Variants in ARHGAP42 observed in about 807,000 individuals in gnomAD.
ARHGAP42 encodes rho GTPase-activating protein 42.
In ARHGAP42, 63 loss-of-function variants were observed where a neutral mutation model predicts 125.0. The ratio of observed to expected loss-of-function variants is 0.50; its 90% confidence interval spans 0.41 to 0.62. The LOEUF (loss-of-function observed/expected upper bound fraction) is 0.62. Among genes scored for constraint, ARHGAP42 ranks in the 20% least tolerant of loss-of-function variants. ARHGAP42 has a pLI of 0.00. For synonymous variants in ARHGAP42, 339 were observed against 351.0 expected (o/e 0.97, Z 0.38); for missense variants, 766 against 1,024.2 (o/e 0.75, Z 3.44).
intron 15 of ARHGAP42, 35 bp from the exon 16 acceptor site, chr11:100,962,374 A>C: frequency 2.0e-6 from 3 of 1,510,636 alleles, no homozygotes; most frequent in Non-Finnish European, 2.7e-6. Flanking sequence ...AAAAGATTCT[A>C]CTATTCTAAC....
chr11:100,989,468 CT>C lies in ARHGAP42; in HGVS notation c.*672del. ...CAGAATTCCAGACACCTTCAGCAAA[CT>C]TTTTCTGTAAAGGCCTGATAGCAAA... On this transcript the variant is annotated 3_prime_UTR_variant, in exon 24 of 24. Transcript: ENST00000298815. 1 of 218,372 alleles carries C rather than the reference CT, an allele frequency of 4.6e-6. No homozygotes were observed. Among genetic ancestry groups the C allele is most frequent in the African/African-American group, 2.3e-5 (1 of 44,358 alleles). 13.5% of individuals were successfully genotyped at this position (218,372 alleles called of 1,614,324 possible).
intron 22 of ARHGAP42, among the ~76,000 whole-genome samples, chr11:100,979,764 G>A (rs1407678995): frequency 6.6e-6 from 1 of 151,792 alleles, no homozygotes; most frequent in Non-Finnish European, 1.5e-5. Flanking sequence ...ATTGTTGAAA[G>A]AGCATATAAA....
intron 4 of ARHGAP42, among the ~76,000 whole-genome samples, chr11:100,904,363 C>T (rs962261222): frequency 6.6e-6 from 1 of 151,932 alleles, no homozygotes; most frequent in African/African-American, 2.4e-5. Flanking sequence ...TCTCCTGTCT[C>T]AGCATCCCAA....
intron 3 of ARHGAP42, among the ~76,000 whole-genome samples, chr11:100,796,971 G>A (rs1863732155): frequency 6.6e-6 from 1 of 152,058 alleles, no homozygotes; most frequent in African/African-American, 2.4e-5. Flanking sequence ...ATTTCACCAT[G>A]TTGGTCAGGC....
chr11:100,773,834 C>CATAT (rs1391844887), intron 2 of ARHGAP42, among the ~76,000 whole-genome samples: 2 of 152,094 alleles, frequency 1.3e-5, no homozygotes, highest in Non-Finnish European at 2.9e-5. Context: ...AATTTTAATG[C>CATAT]TATGTGGGCT....
intron 1 of ARHGAP42, among the ~76,000 whole-genome samples, chr11:100,713,156 A>G (rs1861593441): frequency 6.6e-6 from 1 of 152,228 alleles, no homozygotes; most frequent in Admixed American, 6.5e-5. Flanking sequence ...GATTATTGAG[A>G]ATACATTTCT....
At chr11:100,851,497 T>C (rs1040448073) in intron 3 of ARHGAP42, among the ~76,000 whole-genome samples, 1 of 152,196 alleles carries the variant, frequency 6.6e-6, no homozygotes, top group Non-Finnish European at 1.5e-5. Flanking sequence ...AACAAATCTG[T>C]GCTGCCCATC....
chr11:100,819,912 A>T (rs1013735179), intron 3 of ARHGAP42, among the ~76,000 whole-genome samples: 1 of 152,144 alleles, frequency 6.6e-6, no homozygotes, highest in African/African-American at 2.4e-5. Context: ...GTTTAGTGGC[A>T]CAGTATTTCT....
intron 1 of ARHGAP42, among the ~76,000 whole-genome samples, chr11:100,754,714 G>A (rs1862533300): frequency 6.6e-6 from 1 of 152,140 alleles, no homozygotes; most frequent in African/African-American, 2.4e-5. Context: ...CCTCAAGGGA[G>A]AACAGAGGCA....
chr11:100,839,711 G>A (rs1219469389), intron 3 of ARHGAP42: 1 of 152,192 alleles, frequency 6.6e-6, no homozygotes, highest in Non-Finnish European at 1.5e-5. Context: ...TGGCTAGGCT[G>A]GTGTCCCGTT....
intron 4 of ARHGAP42, among the ~76,000 whole-genome samples, chr11:100,874,666 T>G (rs2135164525): frequency 6.6e-6 from 1 of 152,344 alleles, no homozygotes; most frequent in Non-Finnish European, 1.5e-5. Context: ...TTTTTCATTC[T>G]CTGCCTTGAT....
At chr11:100,895,136 G>C (rs1468155088) in intron 4 of ARHGAP42, among the ~76,000 whole-genome samples, 2 of 152,202 alleles carry the variant, frequency 1.3e-5, no homozygotes, top group African/African-American at 4.8e-5. Flanking sequence ...CCCTAGAGTG[G>C]TGAAGTGTGC....
At chr11:100,938,859 T>C (rs1430112239) in intron 8 of ARHGAP42, among the ~76,000 whole-genome samples, 4 of 152,206 alleles carry the variant, frequency 2.6e-5, no homozygotes, top group Admixed American at 2.6e-4. Context: ...GATTGTGCAC[T>C]TGCTATCACT....
At chr11:100,889,285 G>A (rs986498004) in intron 4 of ARHGAP42, among the ~76,000 whole-genome samples, 1 of 152,168 alleles carries the variant, frequency 6.6e-6, no homozygotes, top group Admixed American at 6.5e-5. Context: ...GGGGCCTTTT[G>A]AGAGGCATCT....
In ARHGAP42 at chr11:100,868,070, G is replaced by C. The variant is rs138577424; in HGVS notation, c.384+8445G>C. On this transcript the variant is annotated intron_variant, in intron 4 of 23. Transcript: ENST00000298815. The stretch of plus-strand genomic sequence containing the variant: ...GTGGTGTCAAAGATCACTGATTGCA[G>C]ATCACCATGACAAATATAATAATAA... Among the ~76,000 whole-genome samples the C allele has an allele frequency of 3.3e-5, 5 of 152,280 alleles. No homozygotes were observed. The East Asian group carries it at 9.6e-4, about 29-fold the overall frequency.
chr11:100,876,660 G>T (rs1865830465), intron 4 of ARHGAP42, among the ~76,000 whole-genome samples: 1 of 152,206 alleles, frequency 6.6e-6, no homozygotes, highest in Non-Finnish European at 1.5e-5. Context: ...ATTGAAATCT[G>T]TGGGTATGTT....
chr11:100,965,785 C>T lies in ARHGAP42; in HGVS notation c.1550+9C>T. 6.5e-7 allele frequency: 1 copy of T among 1,540,734 alleles called. No homozygotes were observed. The highest frequency in any genetic ancestry group is 8.8e-7 in the Non-Finnish European group (1 of 1,137,282). ...ATAAAGCATCTGGTCAAGTAATTCT[C>T]TAACTTACATTGTTCATTTAACTTA... is the stretch of plus-strand genomic sequence containing the variant. On this transcript the variant is annotated intron_variant, in intron 17 of 23. Transcript: ENST00000298815.
At chr11:100,831,078 A>G (rs1864653094) in intron 3 of ARHGAP42, among the ~76,000 whole-genome samples, 1 of 152,134 alleles carries the variant, frequency 6.6e-6, no homozygotes, top group South Asian at 2.1e-4. Context: ...TTTTGGATTC[A>G]TATCTGCTGT....
At chr11:100,731,941 ACT>A (rs1861965831) in intron 1 of ARHGAP42, among the ~76,000 whole-genome samples, 1 of 144,290 alleles carries the variant, frequency 6.9e-6, no homozygotes, top group Admixed American at 6.8e-5. Context: ...TCTATATTTA[ACT>A]CTTTTTTTTT....
Sources: allele counts gnomAD v4.1 joint callset (sites outside exome capture counted in the v4.1 genomes callset), GRCh38; gene constraint gnomAD v4.1.1; transcripts MANE v1.5; gene names NCBI Gene and HGNC (gene_info 2026-07-23, HGNC 2026-07-21).